Variants in TNPO2 observed in about 807,000 individuals in gnomAD.
The protein encoded by TNPO2 is transportin-2.
TNPO2 carries 16 observed loss-of-function variants against 111.1 expected under a neutral mutation model. That is an observed-to-expected ratio of 0.14 (90% confidence interval 0.10 to 0.22). The LOEUF (loss-of-function observed/expected upper bound fraction) is 0.22, where lower values mean the gene tolerates loss of function less well. Ranked by LOEUF, TNPO2 falls within the 10% of genes least tolerant of loss-of-function variation. TNPO2 has a pLI of 1.00. For missense variants in TNPO2, 530 were observed against 1,173.7 expected (o/e 0.45, Z 8.01); for synonymous variants, 481 against 475.8 (o/e 1.01, Z -0.14).
chr19:12,708,164 G>A (rs1227705832), intron 13 of TNPO2, among the ~76,000 whole-genome samples: 1 of 151,342 alleles, frequency 6.6e-6, no homozygotes, highest in African/African-American at 2.4e-5. Context: ...ACAGAGTCTC[G>A]CTCTGTCCCC....
At chr19:12,703,192 C>G in intron 20 of TNPO2, 1 of 591,800 alleles carries the variant, frequency 1.7e-6, no homozygotes, top group Non-Finnish European at 3.0e-6. Context: ...GCCAAAGTCA[C>G]CCAACCAATC....
In TNPO2 at chr19:12,705,963, CGGGAGCCTGGGTTACCACCTCCTGGTT is replaced by C; in HGVS notation, c.1668+206_1669-196del. 1.5e-6 allele frequency: 1 copy of C among 658,148 alleles called. No homozygotes were observed. Among genetic ancestry groups the C allele is most frequent in the Non-Finnish European group, 2.6e-6 (1 of 391,750 alleles). The allele number at this position is 658,148 out of a possible 1,614,324, so 40.8% of individuals were successfully genotyped here. A position where few individuals can be genotyped will look rare whatever the true frequency, so the allele number is the denominator to read the frequency against. On this transcript the variant is annotated intron_variant, in intron 15 of 25. Coordinates refer to ENST00000425528, the MANE Select transcript of TNPO2 (RefSeq NM_001382241.1). The surrounding 1 kb of genome is among the most constrained non-coding windows in gnomAD (Gnocchi z 7.2). Reference sequence around the variant, plus strand: ...GCACCGCCCGCCCCACCCCACCCCCCGGGAGCCTGGGTTACCACCTCCTGGTTCCCGAAGCACAGCACTTACCACGCT... The same window carrying C: ...GCACCGCCCGCCCCACCCCACCCCCCCCCGAAGCACAGCACTTACCACGCT...
rs751985434 is a variant in TNPO2 at position 12,721,018 on chromosome 19, C to T, written c.-13-28G>A. The T allele has an allele frequency of 1.3e-6, 2 of 1,541,092 alleles. No individual in the cohort carries two copies. Among genetic ancestry groups the T allele is most frequent in the South Asian group, 1.2e-5 (1 of 84,380 alleles). ...GCGGAGGTAGGGGCCGGGGTCAGCGCTGGGTCTCTGGGGCTCCGTGTGAGA... is the reference window on the plus strand; with the variant it reads ...GCGGAGGTAGGGGCCGGGGTCAGCGTTGGGTCTCTGGGGCTCCGTGTGAGA... On this transcript the variant is annotated intron_variant, in intron 2 of 25. Coordinates refer to ENST00000425528, the MANE Select transcript of TNPO2 (RefSeq NM_001382241.1). This position sits in a 1 kb window ranked among gnomAD's most constrained non-coding sequence, Gnocchi z 4.9.
chr19:12,704,246 G>A (rs753753930), intron 18 of TNPO2, among the ~76,000 whole-genome samples: 1 of 152,152 alleles, frequency 6.6e-6, no homozygotes, highest in Non-Finnish European at 1.5e-5. Context: ...GGACACGCCT[G>A]TAGTCCCAGC....
In TNPO2 at chr19:12,721,241, G is replaced by A; in HGVS notation, c.-13-251C>T. 1.5e-6 allele frequency: 2 copies of A among 1,308,816 alleles called. No individual in the cohort carries two copies. Among genetic ancestry groups the A allele is most frequent in the Non-Finnish European group, 1.9e-6 (2 of 1,027,926 alleles). The allele number at this position is 1,308,816 out of a possible 1,614,324, so 81.1% of individuals were successfully genotyped here. The stretch of plus-strand genomic sequence containing the variant: ...GCCACAGGCGGCGGCGGCGGGGCCC[G>A]GCGGATCCTCATGGGACCCAGCGAA... On this transcript the variant is annotated intron_variant, in intron 2 of 25. Coordinates refer to ENST00000425528, the MANE Select transcript of TNPO2 (RefSeq NM_001382241.1). The surrounding 1 kb of genome is among the most constrained non-coding windows in gnomAD (Gnocchi z 4.9).
In TNPO2 at chr19:12,714,846, C is replaced by T; in HGVS notation, c.865G>A (p.Glu289Lys). The change falls in exon 10 of 26, where the codon GAA (glutamate) becomes AAA (lysine). Residue 289 changes from glutamate (E) to lysine (K), a missense_variant. By Grantham distance (56) the Glu-to-Lys change is moderately conservative (BLOSUM62 1). Transcript: ENST00000425528. ...LTLAEQPICK[E>K]VLASHLVQLI... The stretch of plus-strand genomic sequence containing the variant: ...TGGACCAGATGGGAGGCCAGGACTT[C>T]CTTGCAGATGGGCTGCTCGGCCAGC... 6.2e-7 allele frequency: 1 copy of T among 1,613,850 alleles called. No individual in the cohort carries two copies. The highest frequency in any genetic ancestry group is 8.5e-7 in the Non-Finnish European group (1 of 1,179,786).
intron 18 of TNPO2, among the ~76,000 whole-genome samples, chr19:12,704,558 G>A (rs777392984): frequency 6.6e-6 from 1 of 152,214 alleles, no homozygotes; most frequent in African/African-American, 2.4e-5. Context: ...GTTCAGTACA[G>A]ATGTAATTTT....
chr19:12,718,218 T>G (rs1249313247), intron 5 of TNPO2, among the ~76,000 whole-genome samples: 1 of 149,692 alleles, frequency 6.7e-6, no homozygotes, highest in Non-Finnish European at 1.5e-5. Context: ...CAGGCTGGAG[T>G]GCAGTGGCGC....
intron 18 of TNPO2, among the ~76,000 whole-genome samples, chr19:12,704,505 T>C (rs1443842813): frequency 1.3e-5 from 2 of 152,214 alleles, no homozygotes; most frequent in African/African-American, 4.8e-5. Context: ...GTTGTTATAC[T>C]GTATTGTTTA....
At chr19:12,714,730 G>A in intron 10 of TNPO2, 91 bp downstream of exon 10, 1 of 991,464 alleles carries the variant, frequency 1.0e-6, no homozygotes, top group Non-Finnish European at 1.6e-6. Context: ...GATGTGGACT[G>A]AGAGAAGCAC....
chr19:12,718,274 T>G (rs2026476635), intron 5 of TNPO2, among the ~76,000 whole-genome samples: 1 of 152,038 alleles, frequency 6.6e-6, no homozygotes, highest in Non-Finnish European at 1.5e-5. Context: ...CAAGTGATTC[T>G]CCTGCCTCAG....
At chr19:12,722,458 C>T (rs12973265) in intron 2 of TNPO2, 1 of 149,852 alleles carries the variant, frequency 6.7e-6, no homozygotes, top group African/African-American at 2.5e-5. Flanking sequence ...GGGTCGGGCT[C>T]TGAGTGAGGC....
At chr19:12,711,686 G>T in intron 10 of TNPO2, 73 bp from the exon 11 acceptor site, 2 of 1,369,312 alleles carry the variant, frequency 1.5e-6, no homozygotes, top group East Asian at 2.4e-5. Context: ...AGCTTGGGGA[G>T]GAGGCAAACA....
In TNPO2 at chr19:12,700,579, G is replaced by A. The variant is rs887160338; in HGVS notation, c.*685C>T. The A allele has an allele frequency of 6.6e-6, 1 of 152,242 alleles. No individual in the cohort carries two copies. The highest frequency in any genetic ancestry group is 1.5e-5 in the Non-Finnish European group (1 of 68,102). 9.4% of individuals were successfully genotyped at this position (152,242 alleles called of 1,614,324 possible). On this transcript the variant is annotated 3_prime_UTR_variant, in exon 26 of 26. Transcript: ENST00000425528. ...AGTGTGTGGAGTGGGTCCCAAGCATGTGCGTGCTGACAGGGCGACTCCCAA... is the reference window on the plus strand; with the variant it reads ...AGTGTGTGGAGTGGGTCCCAAGCATATGCGTGCTGACAGGGCGACTCCCAA...
At chr19:12,704,091 C>T (rs895766248) in intron 18 of TNPO2, among the ~76,000 whole-genome samples, 8 of 152,284 alleles carry the variant, frequency 5.3e-5, no homozygotes, top group Middle Eastern at 3.4e-3. Context: ...TAGGGCCAGG[C>T]GCAGTGGTTC....
In TNPO2 at chr19:12,701,643, G is replaced by A. The variant is rs369967462; in HGVS notation, c.2541C>T (p.Ala847=). 2 of 1,613,864 alleles carry A rather than the reference G, an allele frequency of 1.2e-6. No homozygotes were observed. The highest frequency in any genetic ancestry group is 2.2e-5 in the East Asian group (1 of 44,876). ...QDFIFFCDAV[A]SWVSPKDDLR... is the part of the protein sequence containing the mutation. The stretch of plus-strand genomic sequence containing the variant: ...GGTCATCCTTCGGGCTCACCCAGGA[G>A]GCTACAGCATCGCAGAAGAAAATAA... The change falls in exon 24 of 26, where the codon GCC becomes GCT. Residue 847 remains alanine, a synonymous_variant. Transcript: ENST00000425528. The surrounding 1 kb of genome is among the most constrained non-coding windows in gnomAD (Gnocchi z 5.0).
intron 13 of TNPO2, among the ~76,000 whole-genome samples, chr19:12,707,801 TTTTG>T (rs1599414066): frequency 6.6e-6 from 1 of 151,622 alleles, no homozygotes; most frequent in Middle Eastern, 3.4e-3. Flanking sequence ...TTCTCCTTAT[TTTTG>T]TTTAATTTTT....
At chr19:12,703,015 T>C in intron 20 of TNPO2, 97 bp from the exon 21 acceptor site, 1 of 1,075,602 alleles carries the variant, frequency 9.3e-7, no homozygotes, top group Non-Finnish European at 1.4e-6. Flanking sequence ...CAGTTCCAAC[T>C]AGAGACTGGC....
Position 12,714,762 on chromosome 19 carries a change from G to GC in TNPO2, c.890+58dup, listed in dbSNP as rs1159365122. 4 of 1,347,906 alleles carry GC rather than the reference G, an allele frequency of 3.0e-6. No homozygotes were observed. The African/African-American group carries it at 5.7e-5, about 19-fold the overall frequency. The allele number at this position is 1,347,906 out of a possible 1,614,324, so 83.5% of individuals were successfully genotyped here. On this transcript the variant is annotated intron_variant, in intron 10 of 25. Transcript: ENST00000425528. ...GCACAGCAGGTGACCAGAAGGGAAG[G>GC]CAGAGGCATAGCAAGGGGTCGAAGC...
Sources: allele counts gnomAD v4.1 joint callset (sites outside exome capture counted in the v4.1 genomes callset), GRCh38; gene constraint gnomAD v4.1.1; non-coding constraint Gnocchi (gnomAD v3.1); transcripts MANE v1.5; gene names NCBI Gene and HGNC (gene_info 2026-07-23, HGNC 2026-07-21).